Variants in GREB1L observed in about 807,000 individuals in gnomAD.
The protein encoded by GREB1L is GREB1 like retinoic acid receptor coactivator, also known as GREB1-like protein.
GREB1L carries 17 observed loss-of-function variants against 200.8 expected under a neutral mutation model. The ratio of observed to expected loss-of-function variants is 0.08; its 90% CI spans 0.06 to 0.13. GREB1L has a LOEUF of 0.13. GREB1L is among the 10% of genes least tolerant of loss of function. GREB1L has a pLI of 1.00. For missense variants in GREB1L, 1,657 were observed against 2,367.7 expected (o/e 0.70, Z 6.23); for synonymous variants, 789 against 893.0 (o/e 0.88, Z 2.08).
intron 23 of GREB1L, among the ~76,000 whole-genome samples, chr18:21,501,187 T>C (rs2145950933): frequency 6.6e-6 from 1 of 151,824 alleles, no homozygotes; most frequent in South Asian, 2.1e-4. Context: ...GTATTCTACT[T>C]TTAGCCTCTT....
rs547546366 is a variant in GREB1L, at chr18:21,390,734, A to C, written c.356-4651A>C. ...GTATTTTTAGTAGAGATGGGGTTTC[A>C]CCATATTGGCCAGGATGGTCTCAAT... On this transcript the variant is annotated intron_variant, in intron 4 of 32. Coordinates refer to ENST00000424526, the MANE Select transcript of GREB1L (RefSeq NM_001142966.3). Among the ~76,000 whole-genome samples, 45 of 152,086 alleles carry C rather than the reference A, an allele frequency of 3.0e-4. 1 individual carries two copies. Among genetic ancestry groups the C allele is most frequent in the Middle Eastern group, 6.8e-3 (2 of 294 alleles).
intron 29 of GREB1L, among the ~76,000 whole-genome samples, chr18:21,516,355 T>C (rs546963299): frequency 9.8e-5 from 15 of 152,314 alleles, no homozygotes; most frequent in African/African-American, 3.1e-4. Context: ...AATAGGAATA[T>C]AGTCCTGTTT....
intron 18 of GREB1L, among the ~76,000 whole-genome samples, chr18:21,486,518 C>T (rs190128369): frequency 6.6e-6 from 1 of 152,104 alleles, no homozygotes; most frequent in Non-Finnish European, 1.5e-5. Flanking sequence ...GAAGTATACA[C>T]TGGAAGAAAT....
At chr18:21,420,374 G>GAAA (rs1243937747) in intron 7 of GREB1L, among the ~76,000 whole-genome samples, 1 of 109,666 alleles carries the variant, frequency 9.1e-6, no homozygotes. Context: ...ACTCCATCTC[G>GAAA]AAAAAAAAAA....
chr18:21,244,582 T>C (rs2037565260), intron 1 of GREB1L, among the ~76,000 whole-genome samples: 1 of 152,180 alleles, frequency 6.6e-6, no homozygotes, highest in Non-Finnish European at 1.5e-5. Flanking sequence ...AAAATAGTTG[T>C]CCTAAAACTG....
intron 13 of GREB1L, 172 bp downstream of exon 13, chr18:21,451,323 G>A: frequency 3.1e-6 from 2 of 653,272 alleles, no homozygotes; most frequent in Non-Finnish European, 4.9e-6. Flanking sequence ...GCAGTAAGGG[G>A]GTCTAGAGGA....
At chr18:21,266,434 T>G (rs1234128048) in intron 1 of GREB1L, among the ~76,000 whole-genome samples, 1 of 152,150 alleles carries the variant, frequency 6.6e-6, no homozygotes, top group Non-Finnish European at 1.5e-5. Flanking sequence ...TTTAAGGCAG[T>G]GGTTTCAAAT....
intron 1 of GREB1L, among the ~76,000 whole-genome samples, chr18:21,296,650 T>G (rs1241143064): frequency 5.3e-5 from 8 of 151,366 alleles, no homozygotes; most frequent in Non-Finnish European, 1.2e-4. Flanking sequence ...CAGCTTTTCT[T>G]TGTTTTTTGT....
intron 15 of GREB1L, among the ~76,000 whole-genome samples, chr18:21,462,097 C>T (rs2035068813): frequency 6.6e-6 from 1 of 152,228 alleles, no homozygotes; most frequent in Non-Finnish European, 1.5e-5. Context: ...TATGTTCCCA[C>T]TCATGTCAAA....
chr18:21,516,874 GGA>G, intron 30 of GREB1L, 120 bp downstream of exon 30: 80 of 836,792 alleles, frequency 9.6e-5, no homozygotes, highest in Non-Finnish European at 1.3e-4. Flanking sequence ...ATAACACAAG[GGA>G]GTTTTTTTTT....
intron 2 of GREB1L, among the ~76,000 whole-genome samples, chr18:21,381,624 G>A (rs1349752289): frequency 6.6e-6 from 1 of 152,104 alleles, no homozygotes; most frequent in Non-Finnish European, 1.5e-5. Context: ...TCAACCTGTT[G>A]CAATATCACA....
intron 1 of GREB1L, among the ~76,000 whole-genome samples, chr18:21,307,306 G>A (rs117201534): frequency 2.6e-5 from 4 of 152,210 alleles, no homozygotes; most frequent in Non-Finnish European, 5.9e-5. Flanking sequence ...GAACTATGCA[G>A]GAATCTAGAG....
chr18:21,526,108 T>TTCTC (rs753975466), exon 33 of GREB1L, among the ~76,000 whole-genome samples: 23 of 152,064 alleles, frequency 1.5e-4, no homozygotes, highest in Admixed American at 3.3e-4. Flanking sequence ...TTTATCAAGC[T>TTCTC]TCTCTTTAGA....
chr18:21,283,918 C>A (rs2038312518), intron 1 of GREB1L, among the ~76,000 whole-genome samples: 1 of 152,198 alleles, frequency 6.6e-6, no homozygotes, highest in South Asian at 2.1e-4. Context: ...CAGGGCATGA[C>A]AACCAAAGCC....
At chr18:21,437,710 C>T (rs1568010525) in intron 7 of GREB1L, among the ~76,000 whole-genome samples, 1 of 151,920 alleles carries the variant, frequency 6.6e-6, no homozygotes, top group Non-Finnish European at 1.5e-5. Context: ...AGGTTTTCAG[C>T]AAATTAATTG....
chr18:21,337,744 T>G (rs561280855), intron 1 of GREB1L, among the ~76,000 whole-genome samples: 1 of 152,276 alleles, frequency 6.6e-6, no homozygotes, highest in African/African-American at 2.4e-5. Flanking sequence ...CCCAGCACTT[T>G]GGGAGGCCGA....
intron 1 of GREB1L, among the ~76,000 whole-genome samples, chr18:21,344,895 A>G (rs377156120): frequency 1.3e-5 from 2 of 152,194 alleles, no homozygotes; most frequent in East Asian, 3.8e-4. Context: ...AGATCACTCT[A>G]AATTCATTGT....
intron 7 of GREB1L, among the ~76,000 whole-genome samples, chr18:21,405,192 A>G (rs2030035201): frequency 6.6e-6 from 1 of 152,244 alleles, no homozygotes; most frequent in Non-Finnish European, 1.5e-5. Flanking sequence ...ACTTCTCTTT[A>G]GAATAAATGA....
chr18:21,459,936 T>C (rs2034966685), intron 15 of GREB1L, among the ~76,000 whole-genome samples: 1 of 152,058 alleles, frequency 6.6e-6, no homozygotes, highest in Non-Finnish European at 1.5e-5. Context: ...CCTTCCGTTC[T>C]CACCCTCAGG....
Sources: gnomAD v4.1 joint callset for allele counts (sites outside exome capture counted in the v4.1 genomes callset) on GRCh38, gnomAD v4.1.1 for gene constraint, MANE v1.5 for transcripts, NCBI Gene and HGNC (gene_info 2026-07-23, HGNC 2026-07-21) for gene names.